Variants in PIEZO2 observed in about 807,000 individuals in gnomAD.
PIEZO2 encodes piezo-type mechanosensitive ion channel component 2.
A neutral mutation model predicts 337.3 loss-of-function variants in PIEZO2; 172 were observed. The observed-to-expected ratio is 0.51, with a 90% CI of 0.45 to 0.58. The LOEUF is 0.58. PIEZO2 is among the 20% of genes least tolerant of loss of function. The pLI, the probability that PIEZO2 is intolerant of heterozygous loss-of-function variation, is 0.00. For missense variants in PIEZO2, 3,028 were observed against 3,391.3 expected (o/e 0.89, Z 2.66); for synonymous variants, 1,251 against 1,228.5 (o/e 1.02, Z -0.38).
chr18:10,692,320 GAA>G (rs1197354941), intron 47 of PIEZO2, among the ~76,000 whole-genome samples: 3 of 152,164 alleles, frequency 2.0e-5, no homozygotes, highest in African/African-American at 7.2e-5. Context: ...GAAATAAAAA[GAA>G]AACTTTTGAC....
At chr18:10,965,778 T>C (rs1324257241) in intron 3 of PIEZO2, among the ~76,000 whole-genome samples, 3 of 152,216 alleles carry the variant, frequency 2.0e-5, no homozygotes, top group Admixed American at 6.5e-5. Context: ...GGAAAGACTA[T>C]GGCAGAAATG....
intron 4 of PIEZO2, among the ~76,000 whole-genome samples, chr18:10,886,592 C>T (rs1441162542): frequency 1.4e-5 from 2 of 139,092 alleles, no homozygotes; most frequent in Non-Finnish European, 3.1e-5. Flanking sequence ...GAGAGATTAA[C>T]AATAACTAAT....
Position 10,746,663 on chromosome 18 carries a change from G to A in PIEZO2, c.4424+1808C>T, listed in dbSNP as rs2037435465. Among the ~76,000 whole-genome samples the A allele has an allele frequency of 6.6e-6, 1 of 152,164 alleles. No individual in the cohort carries two copies. Among genetic ancestry groups the A allele is most frequent in the African/African-American group, 2.4e-5 (1 of 41,430 alleles). On this transcript the variant is annotated intron_variant, in intron 30 of 55. Coordinates refer to ENST00000674853, the MANE Select transcript of PIEZO2 (RefSeq NM_001378183.1). The surrounding 1 kb of genome is among the most constrained non-coding windows in gnomAD (Gnocchi z 4.2). ...AGGCCTTTTGGAGTAGATTGAGTGGGAAAGCAGAGCCCTCATGAATGGGAT... is the reference window on the plus strand; with the variant it reads ...AGGCCTTTTGGAGTAGATTGAGTGGAAAAGCAGAGCCCTCATGAATGGGAT...
intron 4 of PIEZO2, among the ~76,000 whole-genome samples, chr18:10,896,290 CTGG>C (rs1946784923): frequency 6.6e-6 from 1 of 152,104 alleles, no homozygotes; most frequent in Admixed American, 6.6e-5. Flanking sequence ...CTGGAAGGTG[CTGG>C]TGACCATCTG....
At chr18:10,909,411 C>T (rs1484954729) in intron 4 of PIEZO2, among the ~76,000 whole-genome samples, 1 of 152,090 alleles carries the variant, frequency 6.6e-6, no homozygotes, top group African/African-American at 2.4e-5. Context: ...TCTGGGCTTC[C>T]ATAGCATCCT....
chr18:10,697,767 T>G lies in PIEZO2; in HGVS notation c.6808A>C (p.Lys2270Gln). The change falls in exon 45 of 56, where the codon AAA becomes CAA. Residue 2270 changes from lysine to glutamine, a missense_variant. By Grantham distance (53) the Lys-to-Gln change is moderately conservative. Around this residue, in one of 5 missense-constraint regions of PIEZO2, gnomAD observed 1,925 missense variants for 2,051.9 expected, o/e 0.94. Transcript: ENST00000674853. ...ACTCACTTCTTTATGGTAAAGGCTT[T>G]TGCTTTGATTAAATGTTCTTGAAGC... is the stretch of plus-strand genomic sequence containing the variant. ...EKLQEHLIKA[K>Q]AFTIKKTLEI... 6.2e-7 allele frequency: 1 copy of G among 1,614,148 alleles called. No homozygotes were observed. The highest frequency in any genetic ancestry group is 1.7e-4 in the Middle Eastern group (1 of 6,044).
chr18:10,915,821 A>C (rs2030892993), intron 3 of PIEZO2, among the ~76,000 whole-genome samples: 1 of 152,144 alleles, frequency 6.6e-6, no homozygotes, highest in Non-Finnish European at 1.5e-5. Context: ...GACTTCAAGA[A>C]TGAAGCCGCA....
chr18:11,135,688 C>T (rs565312752), intron 1 of PIEZO2, among the ~76,000 whole-genome samples: 6 of 152,322 alleles, frequency 3.9e-5, no homozygotes, highest in Admixed American at 2.0e-4. Context: ...GCTGGGACTA[C>T]ATGTGCGTGC....
chr18:11,056,519 G>A (rs1369573826), intron 2 of PIEZO2, among the ~76,000 whole-genome samples: 1 of 152,196 alleles, frequency 6.6e-6, no homozygotes, highest in Non-Finnish European at 1.5e-5. Context: ...AGTAGGTGAG[G>A]CCCCAACCAG....
rs1010317110 is a variant in PIEZO2 at position 11,070,527 on chromosome 18, C to G, written c.65-4305G>C. Among the ~76,000 whole-genome samples, 4 of 152,156 alleles carry G rather than the reference C, an allele frequency of 2.6e-5. No individual in the cohort carries two copies. The highest frequency in any genetic ancestry group is 6.5e-5 in the Admixed American group (1 of 15,272). ...AACTGGCAGGTAGGAAAGAAAAAAG[C>G]AGCAGAAAAATTCGAGACGGATATG... On this transcript the variant is annotated intron_variant, in intron 1 of 55. Transcript: ENST00000674853. This position sits in a 1 kb window ranked among gnomAD's most constrained non-coding sequence, Gnocchi z 4.3.
At chr18:10,915,255 GGAAGCAGGGATGGAGA>G (rs1433877490) in intron 3 of PIEZO2, among the ~76,000 whole-genome samples, 1 of 136,446 alleles carries the variant, frequency 7.3e-6, no homozygotes, top group Admixed American at 7.7e-5. Flanking sequence ...GTGTGCAGAG[GGAAGCAGGGATGGAGA>G]GAGGAGGCTG....
rs1457022219 is a variant in PIEZO2 at position 10,724,690 on chromosome 18, C to T, written c.5030-6431G>A. ...CCCACCTACCAGTCTGCTGTCCCTG[C>T]GTCATAGGCTGAAGCACTCAGACCG... On this transcript the variant is annotated intron_variant, in intron 36 of 55. Transcript: ENST00000674853. The surrounding 1 kb of genome is among the most constrained non-coding windows in gnomAD (Gnocchi z 5.8). 3.7e-5 allele frequency: 41 copies of T among 1,116,848 alleles called. No individual in the cohort carries two copies. The highest frequency in any genetic ancestry group is 2.1e-4 in the Middle Eastern group (1 of 4,856). The allele number at this position is 1,116,848 out of a possible 1,614,324, so 69.2% of individuals were successfully genotyped here.
intron 3 of PIEZO2, among the ~76,000 whole-genome samples, chr18:10,933,628 G>A (rs1348716786): frequency 6.6e-6 from 1 of 152,110 alleles, no homozygotes; most frequent in Non-Finnish European, 1.5e-5. Context: ...TAAGAACCCT[G>A]CACACTATCA....
In PIEZO2 at chr18:11,074,007, C is replaced by T. The variant is rs146839068; in HGVS notation, c.65-7785G>A. On this transcript the variant is annotated intron_variant, in intron 1 of 55. Coordinates refer to ENST00000674853, the MANE Select transcript of PIEZO2 (RefSeq NM_001378183.1). The stretch of plus-strand genomic sequence containing the variant: ...GACAACAGGCGCATGCCACCATGCC[C>T]GGCTAATTTTTTGTATTTTTAGTAG... Among the ~76,000 whole-genome samples the T allele has an allele frequency of 9.3e-4, 142 of 152,082 alleles. 1 individual carries two copies. The highest frequency in any genetic ancestry group is 3.1e-3 in the African/African-American group (129 of 41,494).
At chr18:10,838,415 C>T (rs1328086558) in intron 7 of PIEZO2, among the ~76,000 whole-genome samples, 2 of 152,154 alleles carry the variant, frequency 1.3e-5, no homozygotes, top group Non-Finnish European at 2.9e-5. Flanking sequence ...AAAAACTTTG[C>T]ACTGAGTCCC....
At chr18:10,729,552 A>G (rs2036679287) in intron 36 of PIEZO2, among the ~76,000 whole-genome samples, 1 of 144,484 alleles carries the variant, frequency 6.9e-6, no homozygotes, top group Admixed American at 7.3e-5. Flanking sequence ...TGAACCCGGG[A>G]GGCTGAGGTT....
rs565397875 is a variant in PIEZO2, at chr18:10,975,434, T to C, written c.286+4101A>G. On this transcript the variant is annotated intron_variant, in intron 3 of 55. Transcript: ENST00000674853. ...TTTACATAGGTGTCCCCTGCCCCCA[T>C]GGACTCCTCACTTACCTATAAGAAC... Among the ~76,000 whole-genome samples, 23 of 151,964 alleles carry C rather than the reference T, an allele frequency of 1.5e-4. No homozygotes were observed. In the East Asian group the frequency reaches 4.3e-3, roughly 28 times the overall value.
chr18:11,014,864 C>T (rs1170618886), intron 2 of PIEZO2, among the ~76,000 whole-genome samples: 3 of 134,876 alleles, frequency 2.2e-5, no homozygotes, highest in South Asian at 5.0e-4. Context: ...GGTAAGACAG[C>T]GATCCAAGGC....
chr18:10,877,594 A>G lies in PIEZO2; in HGVS notation c.330-6179T>C, dbSNP rs1479094865. 1.3e-5 allele frequency among the ~76,000 whole-genome samples: 2 copies of G among 152,096 alleles called. No homozygotes were observed. The highest frequency in any genetic ancestry group is 2.9e-5 in the Non-Finnish European group (2 of 68,004). On this transcript the variant is annotated intron_variant, in intron 4 of 55. Coordinates refer to ENST00000674853, the MANE Select transcript of PIEZO2 (RefSeq NM_001378183.1). The surrounding 1 kb of genome is among the most constrained non-coding windows in gnomAD (Gnocchi z 5.3). ...CTGGAAGCTTCCATTCTCTCACTGA[A>G]AGACTGGAGGAGATTCTGACTTCTA...
Sources: allele counts gnomAD v4.1 joint callset (sites outside exome capture counted in the v4.1 genomes callset), GRCh38; gene constraint gnomAD v4.1.1; regional missense constraint gnomAD v4.1.1; non-coding constraint Gnocchi (gnomAD v3.1); transcripts MANE v1.5; gene names NCBI Gene and HGNC (gene_info 2026-07-23, HGNC 2026-07-21).